Variants in ZC2HC1A observed in about 807,000 individuals in gnomAD.
ZC2HC1A encodes zinc finger C2HC domain-containing protein 1A.
Under a neutral mutation model 40.7 loss-of-function variants are expected in ZC2HC1A, and 28 were observed. That is an observed-to-expected ratio of 0.69 (90% CI 0.51 to 0.94). The LOEUF (loss-of-function observed/expected upper bound fraction) is 0.94. ZC2HC1A is among the 40% of genes least tolerant of loss of function. ZC2HC1A has a pLI of 0.00. For synonymous variants in ZC2HC1A, 129 were observed against 129.2 expected, an observed-to-expected ratio of 1.00 and a Z score of 0.01; for missense variants, 389 against 386.3, an observed-to-expected ratio of 1.01 and a Z score of -0.06.
At chr8:78,698,262 C>T in intron 6 of ZC2HC1A, 152 bp from the exon 7 acceptor site, 1 of 592,964 alleles carries the variant, frequency 1.7e-6, no homozygotes, top group Non-Finnish European at 2.9e-6. Context: ...TATATGTCGT[C>T]CTCTGGAAAT....
intron 8 of ZC2HC1A, among the ~76,000 whole-genome samples, chr8:78,715,765 TGTG>T (rs1811082064): frequency 6.6e-6 from 1 of 152,032 alleles, no homozygotes; most frequent in Admixed American, 6.6e-5. Context: ...GATGAGGAGT[TGTG>T]GTGGCTCACG....
At position 78,678,556 on chromosome 8, in the gene ZC2HC1A, T is replaced by G. The variant is rs1408871819; in HGVS notation, c.94-7T>G. The G allele has an allele frequency of 6.2e-7, 1 of 1,601,692 alleles. No individual in the cohort carries two copies. The highest frequency in any genetic ancestry group is 8.5e-7 in the Non-Finnish European group (1 of 1,175,318). Reference sequence around the variant, plus strand: ...AAATGATAGGCTGCATTTCTTTATCTTAACAGAAAAAACATGGACCCATTT... The same window carrying G: ...AAATGATAGGCTGCATTTCTTTATCGTAACAGAAAAAACATGGACCCATTT... On this transcript the variant is annotated splice_region_variant and splice_polypyrimidine_tract_variant and intron_variant, in intron 2 of 8. Transcript: ENST00000263849.
chr8:78,669,447 A>G (rs1809382109), intron 1 of ZC2HC1A, among the ~76,000 whole-genome samples: 1 of 152,226 alleles, frequency 6.6e-6, no homozygotes, highest in Admixed American at 6.5e-5. Flanking sequence ...CGAAAATCAC[A>G]AAAAGCATGT....
At chr8:78,695,658 A>C (rs10957897) in intron 5 of ZC2HC1A, among the ~76,000 whole-genome samples, 102,867 of 151,874 alleles carry the variant, frequency 0.68, 35,669 homozygotes, top group East Asian at 0.89. Context: ...TTCTCTCTCT[A>C]TATATATATA....
intron 5 of ZC2HC1A, among the ~76,000 whole-genome samples, chr8:78,693,320 A>G (rs1195187430): frequency 5.3e-5 from 8 of 151,254 alleles, no homozygotes; most frequent in African/African-American, 1.2e-4. Flanking sequence ...GACTTCCACA[A>G]TGGTTGAACT....
intron 2 of ZC2HC1A, among the ~76,000 whole-genome samples, chr8:78,677,880 A>C (rs577525985): frequency 1.3e-5 from 2 of 152,192 alleles, no homozygotes; most frequent in South Asian, 4.1e-4. Context: ...AGCAGCCCTG[A>C]AGGCTGCTGG....
chr8:78,673,284 A>G (rs1239650102), intron 1 of ZC2HC1A, among the ~76,000 whole-genome samples: 1 of 152,170 alleles, frequency 6.6e-6, no homozygotes, highest in African/African-American at 2.4e-5. Context: ...CATGGTAGAC[A>G]TGTGCCACAT....
At chr8:78,698,387 T>C (rs774369405) in intron 6 of ZC2HC1A, 27 bp from the exon 7 acceptor site, 3 of 1,570,520 alleles carry the variant, frequency 1.9e-6, no homozygotes, top group South Asian at 2.3e-5. Context: ...TAGAGTATTG[T>C]TAAAAATAAT....
intron 5 of ZC2HC1A, among the ~76,000 whole-genome samples, chr8:78,690,482 C>T (rs1305378603): frequency 1.3e-5 from 2 of 151,674 alleles, no homozygotes; most frequent in Non-Finnish European, 2.9e-5. Context: ...ATGGTGTGAA[C>T]CTGGGAGGAG....
At chr8:78,679,520 C>T (rs1293008754) in intron 3 of ZC2HC1A, 1 of 151,960 alleles carries the variant, frequency 6.6e-6, no homozygotes, top group Non-Finnish European at 1.5e-5. Flanking sequence ...CTGAAAGTTT[C>T]TGATTCATGG....
At chr8:78,716,474 A>G (rs1442805570) in intron 8 of ZC2HC1A, among the ~76,000 whole-genome samples, 1 of 152,092 alleles carries the variant, frequency 6.6e-6, no homozygotes, top group Non-Finnish European at 1.5e-5. Flanking sequence ...TGCATGCATA[A>G]GAGTTTGTTA....
intron 7 of ZC2HC1A, chr8:78,712,186 T>C: frequency 1.3e-6 from 1 of 769,546 alleles, no homozygotes; most frequent in South Asian, 1.7e-5. Flanking sequence ...AACATAACTT[T>C]TACTGTCCTA....
At chr8:78,697,992 G>GT (rs1441557856) in intron 6 of ZC2HC1A, among the ~76,000 whole-genome samples, 5 of 151,948 alleles carry the variant, frequency 3.3e-5, no homozygotes, top group Admixed American at 6.6e-5. Flanking sequence ...CTTTTTTGTT[G>GT]TTTTTTTCAG....
At chr8:78,691,695 T>C (rs1810217174) in intron 5 of ZC2HC1A, among the ~76,000 whole-genome samples, 1 of 152,120 alleles carries the variant, frequency 6.6e-6, no homozygotes, top group African/African-American at 2.4e-5. Flanking sequence ...TTTTTGGCTT[T>C]CTAGCTGTAA....
intron 2 of ZC2HC1A, among the ~76,000 whole-genome samples, chr8:78,676,638 G>A (rs1398707873): frequency 4.0e-5 from 6 of 151,870 alleles, no homozygotes; most frequent in Admixed American, 3.3e-4. Context: ...ACTATTTCTA[G>A]TTTGTTTCTT....
chr8:78,688,912 CA>C (rs1197765081), intron 4 of ZC2HC1A, among the ~76,000 whole-genome samples: 1 of 151,656 alleles, frequency 6.6e-6, no homozygotes, highest in African/African-American at 2.4e-5. Flanking sequence ...AACATAAAGG[CA>C]AAAAAGAAAT....
At chr8:78,695,171 A>C (rs1810357170) in intron 5 of ZC2HC1A, among the ~76,000 whole-genome samples, 1 of 152,194 alleles carries the variant, frequency 6.6e-6, no homozygotes, top group African/African-American at 2.4e-5. Context: ...TGTCTAAAGT[A>C]ATGGGAAATA....
chr8:78,694,415 G>A (rs1810330350), intron 5 of ZC2HC1A, among the ~76,000 whole-genome samples: 1 of 151,824 alleles, frequency 6.6e-6, no homozygotes, highest in African/African-American at 2.4e-5. Context: ...GAAGATGTGT[G>A]CTGTGCTTAT....
At chr8:78,717,273 G>A in intron 8 of ZC2HC1A, 55 bp from the exon 9 acceptor site, 1 of 1,507,880 alleles carries the variant, frequency 6.6e-7, no homozygotes, top group Non-Finnish European at 9.0e-7. Context: ...CAGGGTTATG[G>A]GTTGAAAACT....
Sources: gnomAD v4.1 joint callset for allele counts (sites outside exome capture counted in the v4.1 genomes callset) on GRCh38, gnomAD v4.1.1 for gene constraint, MANE v1.5 for transcripts, NCBI Gene and HGNC (gene_info 2026-07-23, HGNC 2026-07-21) for gene names.